Variants in STARD4 observed in about 807,000 individuals in gnomAD.
STARD4 encodes the protein stAR-related lipid transfer protein 4.
A neutral mutation model predicts 24.9 loss-of-function variants in STARD4; 33 were observed. The ratio of observed to expected loss-of-function variants is 1.32; its 90% confidence interval spans 1.00 to 1.77. The LOEUF (loss-of-function observed/expected upper bound fraction) is 1.77. Ranked by LOEUF, STARD4 falls within the 40% of genes most tolerant of loss-of-function variation. The probability of loss-of-function intolerance (pLI) is 0.00; values close to 1 mark genes in which losing one functional copy is unlikely to be tolerated. For missense variants in STARD4, 238 were observed against 249.3 expected, an observed-to-expected ratio of 0.95 and a Z score of 0.31; for synonymous variants, 88 against 77.4, an observed-to-expected ratio of 1.14 and a Z score of -0.72.
Position 111,507,379 on chromosome 5 carries a change from T to C in STARD4, c.55A>G (p.Ile19Val). Residue 19 changes from isoleucine to valine, a missense_variant, in exon 2 of 6, where the codon ATC becomes GTC. Coordinates refer to ENST00000296632, the MANE Select transcript of STARD4 (RefSeq NM_139164.3). This position sits in a 1 kb window ranked among gnomAD's most constrained non-coding sequence, Gnocchi z 4.4. ...TCTTCTTCAATGCTATGGTACTGGATGAGAGTGTTTTTAAGTTTAGTTGCA... is the reference window on the plus strand; with the variant it reads ...TCTTCTTCAATGCTATGGTACTGGACGAGAGTGTTTTTAAGTTTAGTTGCA... ...SFATKLKNTLIQYHSIEEDKW... is the reference protein window; with the variant it reads ...SFATKLKNTLVQYHSIEEDKW... 1 of 1,613,740 alleles carries C rather than the reference T, an allele frequency of 6.2e-7. No homozygotes were observed. The highest frequency in any genetic ancestry group is 2.2e-5 in the East Asian group (1 of 44,852).
chr5:111,506,433 A>G (rs1383953129), intron 2 of STARD4, 54 bp from the exon 3 acceptor site: 2 of 824,458 alleles, frequency 2.4e-6, no homozygotes, highest in Non-Finnish European at 3.8e-6. Context: ...AACCCTAGAC[A>G]CAAAACTGAT....
Position 111,507,915 on chromosome 5 carries a change from T to C in STARD4, c.-9-473A>G, listed in dbSNP as rs1405461692. 2.0e-5 allele frequency among the ~76,000 whole-genome samples: 3 copies of C among 152,148 alleles called. No individual in the cohort carries two copies. On this transcript the variant is annotated intron_variant, in intron 1 of 5. Transcript: ENST00000296632. The surrounding 1 kb of genome is among the most constrained non-coding windows in gnomAD (Gnocchi z 4.4). The stretch of plus-strand genomic sequence containing the variant: ...TATTCCTCATTTTAACAATTTACTA[T>C]TAAAATGGCAATTGAGCCCAAGTTC...
chr5:111,510,414 GCCATTCTGAAC>G (rs1192194618), intron 1 of STARD4, among the ~76,000 whole-genome samples: 3 of 152,222 alleles, frequency 2.0e-5, no homozygotes, highest in Non-Finnish European at 2.9e-5. Context: ...TGTTTTAAAT[GCCATTCTGAAC>G]CCATTCTGAA....
intron 1 of STARD4, among the ~76,000 whole-genome samples, chr5:111,510,060 G>A (rs1263996523): frequency 1.3e-5 from 2 of 152,122 alleles, no homozygotes; most frequent in African/African-American, 4.8e-5. Context: ...GCAGTGGGAG[G>A]TAGGAAAGGA....
rs1436852188 is a variant in STARD4, at chr5:111,500,769, G to T, written c.397+233C>A. On this transcript the variant is annotated intron_variant, in intron 5 of 5. Coordinates refer to ENST00000296632, the MANE Select transcript of STARD4 (RefSeq NM_139164.3). ...AGAGGCAGTCATGTGATCCACATTT[G>T]CTACCTCTGACCTAGAGGATACTGT... 2.1e-6 allele frequency: 3 copies of T among 1,431,692 alleles called. No homozygotes were observed. The African/African-American group carries it at 4.3e-5, about 21-fold the overall frequency. 88.7% of individuals were successfully genotyped at this position (1,431,692 alleles called of 1,614,324 possible). A position where few individuals can be genotyped will look rare whatever the true frequency, so the allele number is the denominator to read the frequency against.
chr5:111,500,309 A>G, intron 5 of STARD4: 1 of 1,315,802 alleles, frequency 7.6e-7, no homozygotes. Context: ...GGTAATGGGG[A>G]AACTTTTAAT....
At chr5:111,500,847 C>T (rs1257459785) in intron 5 of STARD4, 155 bp downstream of exon 5, 24 of 1,534,862 alleles carry the variant, frequency 1.6e-5, no homozygotes, top group Non-Finnish European at 1.8e-5. Flanking sequence ...TTTGATATTG[C>T]TATTTTACTC....
intron 1 of STARD4, among the ~76,000 whole-genome samples, chr5:111,511,018 C>T (rs1336970318): frequency 1.3e-5 from 2 of 152,150 alleles, no homozygotes; most frequent in African/African-American, 4.8e-5. Flanking sequence ...GTTTAACATG[C>T]CATGGACTTT....
At chr5:111,501,562 T>G (rs1756455612) in intron 4 of STARD4, among the ~76,000 whole-genome samples, 1 of 152,196 alleles carries the variant, frequency 6.6e-6, no homozygotes. Flanking sequence ...ATATCTAAGG[T>G]GGCATTTTTA....
rs1374421444 is a variant in STARD4, at chr5:111,496,629, A to G, written c.*3257T>C. The stretch of plus-strand genomic sequence containing the variant: ...ACAGACAATTAAGGGCTTAAATTAT[A>G]CAATGTTTTCCCATCTTCTCCAGAT... On this transcript the variant is annotated 3_prime_UTR_variant, in exon 6 of 6. Transcript: ENST00000296632. The G allele has an allele frequency of 6.6e-6, 1 of 152,128 alleles. No homozygotes were observed. The highest frequency in any genetic ancestry group is 1.9e-4 in the East Asian group (1 of 5,200). 9.4% of individuals were successfully genotyped at this position (152,128 alleles called of 1,614,324 possible). A position where few individuals can be genotyped will look rare whatever the true frequency, so the allele number is the denominator to read the frequency against.
chr5:111,509,296 T>C (rs1390223976), intron 1 of STARD4, among the ~76,000 whole-genome samples: 2 of 152,124 alleles, frequency 1.3e-5, no homozygotes, highest in Non-Finnish European at 2.9e-5. Flanking sequence ...GCAAAACTTT[T>C]TGATAGAAAT....
In STARD4 at chr5:111,507,878, A is replaced by G. The variant is rs1330777187; in HGVS notation, c.-9-436T>C. ...TCTCTTGCCTCCCCTGGCTTCCCTCAATTTGTCACAGTATTCCTCATTTTA... is the reference window on the plus strand; with the variant it reads ...TCTCTTGCCTCCCCTGGCTTCCCTCGATTTGTCACAGTATTCCTCATTTTA... On this transcript the variant is annotated intron_variant, in intron 1 of 5. Transcript: ENST00000296632. The surrounding 1 kb of genome is among the most constrained non-coding windows in gnomAD (Gnocchi z 4.4). 6.6e-6 allele frequency among the ~76,000 whole-genome samples: 1 copy of G among 152,146 alleles called. No individual in the cohort carries two copies. The highest frequency in any genetic ancestry group is 2.4e-5 in the African/African-American group (1 of 41,432).
At chr5:111,502,215 T>C (rs1272688990) in intron 3 of STARD4, 127 bp from the exon 4 acceptor site, 1 of 1,093,846 alleles carries the variant, frequency 9.1e-7, no homozygotes, top group African/African-American at 1.6e-5. Flanking sequence ...ATGTCTGTAA[T>C]CCCAGCATTC....
chr5:111,500,709 C>T (rs996854871), intron 5 of STARD4: 1 of 1,377,796 alleles, frequency 7.3e-7, no homozygotes, highest in Non-Finnish European at 9.3e-7. Flanking sequence ...CTGAGAGTGG[C>T]TTAGAAGAAA....
chr5:111,512,523 G>A lies in STARD4; in HGVS notation c.-148C>T, dbSNP rs1480405234. ...GCAGCCAACTTGTAAGTCACCGCTGGTCGCAGCCAACTGGAAGGCACCCAG... is the reference window on the plus strand; with the variant it reads ...GCAGCCAACTTGTAAGTCACCGCTGATCGCAGCCAACTGGAAGGCACCCAG... On this transcript the variant is annotated 5_prime_UTR_variant, in exon 1 of 6. Coordinates refer to ENST00000296632, the MANE Select transcript of STARD4 (RefSeq NM_139164.3). The A allele has an allele frequency of 6.5e-6, 1 of 152,688 alleles. No homozygotes were observed. Among genetic ancestry groups the A allele is most frequent in the African/African-American group, 2.4e-5 (1 of 41,482 alleles). The allele number at this position is 152,688 out of a possible 1,614,324, so 9.5% of individuals were successfully genotyped here.
At chr5:111,500,384 G>A in intron 5 of STARD4, 1 of 1,128,756 alleles carries the variant, frequency 8.9e-7, no homozygotes, top group Non-Finnish European at 1.1e-6. Flanking sequence ...CTTGGTTGTA[G>A]TATCCAGGCC....
rs1408682263 is a variant in STARD4, at chr5:111,502,004, G to C, written c.240C>G (p.Asp80Glu). 6.2e-7 allele frequency: 1 copy of C among 1,614,116 alleles called. No individual in the cohort carries two copies. The highest frequency in any genetic ancestry group is 2.2e-5 in the East Asian group (1 of 44,878). ...IRPGPCRLDWDSLMTSLDILE... is the reference protein window; with the variant it reads ...IRPGPCRLDWESLMTSLDILE... Reference sequence around the variant, plus strand: ...GAATATCCAAAGAAGTCATCAAGCTGTCCCAATCCAAACGACAAGGCCCTG... The same window carrying C: ...GAATATCCAAAGAAGTCATCAAGCTCTCCCAATCCAAACGACAAGGCCCTG... The change falls in exon 4 of 6, where the codon GAC becomes GAG. Residue 80 changes from aspartate to glutamate, a missense_variant. Physicochemically the swap from Asp to Glu is conservative, Grantham distance 45. Coordinates refer to ENST00000296632, the MANE Select transcript of STARD4 (RefSeq NM_139164.3).
Position 111,507,561 on chromosome 5 carries a change from C to A in STARD4, c.-9-119G>T. On this transcript the variant is annotated intron_variant, in intron 1 of 5. Transcript: ENST00000296632. This position sits in a 1 kb window ranked among gnomAD's most constrained non-coding sequence, Gnocchi z 4.4. ...ACCAGAGCTATAAAAGATAGCTACCCTCACCCCAAATCAACTAATCATAAT... is the reference window on the plus strand; with the variant it reads ...ACCAGAGCTATAAAAGATAGCTACCATCACCCCAAATCAACTAATCATAAT... 1 of 639,234 alleles carries A rather than the reference C, an allele frequency of 1.6e-6. No individual in the cohort carries two copies. Among genetic ancestry groups the A allele is most frequent in the Admixed American group, 3.4e-5 (1 of 29,652 alleles). The allele number at this position is 639,234 out of a possible 1,614,324, so 39.6% of individuals were successfully genotyped here. A position where few individuals can be genotyped will look rare whatever the true frequency, so the allele number is the denominator to read the frequency against.
At chr5:111,501,355 T>C (rs1468335294) in intron 4 of STARD4, among the ~76,000 whole-genome samples, 1 of 152,222 alleles carries the variant, frequency 6.6e-6, no homozygotes, top group African/African-American at 2.4e-5. Flanking sequence ...TATCCAAATA[T>C]CTAATTAAAT....
Sources: allele counts gnomAD v4.1 joint callset (sites outside exome capture counted in the v4.1 genomes callset), GRCh38; gene constraint gnomAD v4.1.1; non-coding constraint Gnocchi (gnomAD v3.1); transcripts MANE v1.5; gene names NCBI Gene and HGNC (gene_info 2026-07-23, HGNC 2026-07-21).